The following CDH12 variants were observed in gnomAD, a reference collection of about 807,000 sequenced individuals.
CDH12 encodes cadherin-12.
A neutral mutation model predicts 74.1 loss-of-function variants in CDH12; 41 were observed. The observed-to-expected ratio is 0.55, with a 90% CI of 0.43 to 0.72. CDH12 has a LOEUF of 0.72. Ranked by LOEUF, CDH12 falls within the 30% of genes least tolerant of loss-of-function variation. The probability of loss-of-function intolerance (pLI) is 0.00; values close to 1 mark genes in which losing one functional copy is unlikely to be tolerated. For synonymous variants in CDH12, 399 were observed against 355.0 expected (o/e 1.12, Z -1.39); for missense variants, 945 against 977.2 (o/e 0.97, Z 0.44).
At chr5:22,451,164 T>C (rs2126562428) in intron 2 of CDH12, among the ~76,000 whole-genome samples, 1 of 152,022 alleles carries the variant, frequency 6.6e-6, no homozygotes, top group East Asian at 1.9e-4. Context: ...GACATGATCA[T>C]GTTCACTCCT....
intron 6 of CDH12, among the ~76,000 whole-genome samples, chr5:21,858,868 T>C (rs111955395): frequency 6.8e-4 from 104 of 152,130 alleles, no homozygotes; most frequent in African/African-American, 2.5e-3. Flanking sequence ...CTTGACAATA[T>C]TGTATGTATT....
chr5:22,506,532 A>C (rs980704354), intron 1 of CDH12, among the ~76,000 whole-genome samples: 1 of 152,084 alleles, frequency 6.6e-6, no homozygotes, highest in African/African-American at 2.4e-5. Flanking sequence ...CTGGCATGAT[A>C]AGATAGTCCA....
chr5:22,554,758 A>C (rs991603007), intron 1 of CDH12, among the ~76,000 whole-genome samples: 2 of 152,104 alleles, frequency 1.3e-5, no homozygotes, highest in African/African-American at 4.8e-5. Context: ...TAAACTGCAT[A>C]CAGATATTAT....
At chr5:22,162,733 G>C (rs1011049141) in intron 4 of CDH12, among the ~76,000 whole-genome samples, 1 of 152,010 alleles carries the variant, frequency 6.6e-6, no homozygotes, top group East Asian at 1.9e-4. Flanking sequence ...TTTGCCCTTA[G>C]TGCAGGTTTG....
chr5:22,678,909 T>C (rs1028698166), intron 1 of CDH12, among the ~76,000 whole-genome samples: 2 of 152,144 alleles, frequency 1.3e-5, no homozygotes, highest in African/African-American at 4.8e-5. Context: ...TCTTTAAAGG[T>C]AGCTATATGA....
intron 3 of CDH12, among the ~76,000 whole-genome samples, chr5:22,275,166 A>T (rs1253736964): frequency 1.3e-5 from 2 of 152,122 alleles, no homozygotes; most frequent in Non-Finnish European, 2.9e-5. Context: ...TAGGACAGAC[A>T]TCTAATTCAT....
chr5:22,711,099 C>G (rs1743264905), intron 1 of CDH12, among the ~76,000 whole-genome samples: 1 of 151,756 alleles, frequency 6.6e-6, no homozygotes, highest in Non-Finnish European at 1.5e-5. Flanking sequence ...TTAATCAAAA[C>G]TTTGTAAAAT....
intron 1 of CDH12, among the ~76,000 whole-genome samples, chr5:22,812,958 G>C (rs2126453611): frequency 6.6e-6 from 1 of 152,250 alleles, no homozygotes; most frequent in South Asian, 2.1e-4. Flanking sequence ...TGAGATCAAG[G>C]AGACTTGCAG....
intron 4 of CDH12, among the ~76,000 whole-genome samples, chr5:22,098,729 C>T (rs1743953840): frequency 6.6e-6 from 1 of 152,150 alleles, no homozygotes; most frequent in African/African-American, 2.4e-5. Flanking sequence ...ACACCTGACC[C>T]CCATGACTGT....
intron 6 of CDH12, among the ~76,000 whole-genome samples, chr5:21,921,387 T>C (rs1754346019): frequency 6.6e-6 from 1 of 152,222 alleles, no homozygotes; most frequent in African/African-American, 2.4e-5. Flanking sequence ...GTTTAGCTTA[T>C]TCCTACAAGG....
chr5:22,106,371 T>G (rs1015978648), intron 4 of CDH12, among the ~76,000 whole-genome samples: 1 of 152,238 alleles, frequency 6.6e-6, no homozygotes, highest in Non-Finnish European at 1.5e-5. Context: ...TTCAATCATT[T>G]TGGAATGTAT....
intron 5 of CDH12, among the ~76,000 whole-genome samples, chr5:22,012,141 T>C (rs1366314980): frequency 8.1e-6 from 1 of 123,264 alleles, no homozygotes; most frequent in Non-Finnish European, 1.6e-5. Flanking sequence ...CAACTAGAGA[T>C]ATAGAATATA....
intron 6 of CDH12, among the ~76,000 whole-genome samples, chr5:21,932,088 T>C (rs1754866408): frequency 6.6e-6 from 1 of 152,208 alleles, no homozygotes; most frequent in Non-Finnish European, 1.5e-5. Context: ...AACATTAGGA[T>C]ACTCTACACA....
At chr5:22,769,344 T>A (rs72748745) in intron 1 of CDH12, among the ~76,000 whole-genome samples, 38,383 of 151,990 alleles carry the variant, frequency 0.25, 4,945 homozygotes, top group Non-Finnish European at 0.29. Context: ...TCTTTCTCCG[T>A]CCTGTGCTGG....
At chr5:22,032,815 T>TACAC (rs757479604) in intron 5 of CDH12, among the ~76,000 whole-genome samples, 29 of 146,774 alleles carry the variant, frequency 2.0e-4, no homozygotes, top group African/African-American at 4.2e-4. Flanking sequence ...TGTGTATATA[T>TACAC]ACACACACAC....
At chr5:22,834,477 G>A (rs1446653944) in intron 1 of CDH12, among the ~76,000 whole-genome samples, 1 of 152,038 alleles carries the variant, frequency 6.6e-6, no homozygotes, top group Non-Finnish European at 1.5e-5. Flanking sequence ...ATTATAAAAC[G>A]ATGTTTTCTT....
At chr5:22,346,837 G>A (rs1420558566) in intron 3 of CDH12, among the ~76,000 whole-genome samples, 1 of 152,134 alleles carries the variant, frequency 6.6e-6, no homozygotes, top group Non-Finnish European at 1.5e-5. Flanking sequence ...GTATCTTAAT[G>A]ATGCTTTGAA....
intron 1 of CDH12, among the ~76,000 whole-genome samples, chr5:22,643,549 C>T (rs866658442): frequency 1.3e-5 from 2 of 151,980 alleles, no homozygotes; most frequent in South Asian, 4.2e-4. Context: ...GGCAATATCA[C>T]GCCTACAACT....
At chr5:21,892,183 T>C (rs537407808) in intron 6 of CDH12, among the ~76,000 whole-genome samples, 12 of 152,332 alleles carry the variant, frequency 7.9e-5, no homozygotes, top group African/African-American at 2.9e-4. Flanking sequence ...ATTTTTTAAA[T>C]GCTTTCTGTG....
Sources: allele counts gnomAD v4.1 joint callset (sites outside exome capture counted in the v4.1 genomes callset), GRCh38; gene constraint gnomAD v4.1.1; transcripts MANE v1.5; gene names NCBI Gene and HGNC (gene_info 2026-07-23, HGNC 2026-07-21).